ELL2: variants seen among roughly 807,000 people sequenced by gnomAD.
ELL2 encodes the protein RNA polymerase II elongation factor ELL2.
ELL2 carries 21 observed loss-of-function variants against 72.8 expected under a neutral mutation model. The observed-to-expected ratio is 0.29, with a 90% CI of 0.20 to 0.42. ELL2 has a LOEUF of 0.42. Ranked by LOEUF, ELL2 falls within the 10% of genes least tolerant of loss-of-function variation. The probability of loss-of-function intolerance (pLI) is 1.00; values close to 1 mark genes in which losing one functional copy is unlikely to be tolerated. For synonymous variants in ELL2, 266 were observed against 283.2 expected (o/e 0.94, Z 0.61); for missense variants, 568 against 772.8 (o/e 0.73, Z 3.14).
At chr5:95,895,605 C>A (rs575106854) in intron 9 of ELL2, 23 bp downstream of exon 9, 1 of 1,606,588 alleles carries the variant, frequency 6.2e-7, no homozygotes, top group South Asian at 1.1e-5. Context: ...CCGCTCTCTC[C>A]ATTGGCAGAC....
chr5:95,943,456 C>G (rs1296473886), intron 1 of ELL2, among the ~76,000 whole-genome samples: 3 of 152,018 alleles, frequency 2.0e-5, no homozygotes, highest in Non-Finnish European at 4.4e-5. Flanking sequence ...TGCAGCTAAT[C>G]ATGTTTTTGA....
chr5:95,908,125 A>G (rs1049014078), intron 4 of ELL2, among the ~76,000 whole-genome samples: 3 of 152,258 alleles, frequency 2.0e-5, no homozygotes, highest in Non-Finnish European at 2.9e-5. Context: ...CTGCCTAATG[A>G]TAACAAAAAC....
intron 9 of ELL2, among the ~76,000 whole-genome samples, chr5:95,894,032 C>G (rs1748767869): frequency 6.6e-6 from 1 of 152,054 alleles, no homozygotes; most frequent in African/African-American, 2.4e-5. Context: ...GGGTGGATCA[C>G]CTGAGGTCAG....
intron 5 of ELL2, 28 bp downstream of exon 5, chr5:95,906,495 G>A (rs1749364064): frequency 6.4e-7 from 1 of 1,562,632 alleles, no homozygotes. Flanking sequence ...AAGGTAAGCA[G>A]GAAGGACCTC....
Position 95,943,116 on chromosome 5 carries a change from A to C in ELL2, c.148-67T>G, listed in dbSNP as rs1751030775. On this transcript the variant is annotated intron_variant, in intron 1 of 11. Transcript: ENST00000237853. ...TACTGTGACATAGAACTAAATGTTT[A>C]AACTTTAAATCTATGTTATTTGGGC... 5.0e-6 allele frequency: 7 copies of C among 1,396,314 alleles called. No individual in the cohort carries two copies. In the Admixed American group the frequency reaches 1.4e-4, roughly 28 times the overall value. The allele number at this position is 1,396,314 out of a possible 1,614,324, so 86.5% of individuals were successfully genotyped here. A position where few individuals can be genotyped will look rare whatever the true frequency, so the allele number is the denominator to read the frequency against.
chr5:95,961,448 G>T, intron 1 of ELL2, 127 bp downstream of exon 1: 1 of 1,208,420 alleles, frequency 8.3e-7, no homozygotes, highest in Non-Finnish European at 1.1e-6. Context: ...TGCCCTGCCT[G>T]GCCGCTGCGG....
intron 1 of ELL2, among the ~76,000 whole-genome samples, chr5:95,960,882 C>T (rs1751814157): frequency 6.6e-6 from 1 of 151,760 alleles, no homozygotes; most frequent in African/African-American, 2.4e-5. Context: ...CCTCCCCCCC[C>T]GTACGCGAAG....
At chr5:95,920,347 G>A (rs1750008529) in intron 2 of ELL2, among the ~76,000 whole-genome samples, 1 of 150,256 alleles carries the variant, frequency 6.7e-6, no homozygotes, top group African/African-American at 2.5e-5. Context: ...GTCTCGCTCT[G>A]TTGCCCAGGC....
chr5:95,888,933 G>A lies in ELL2; in HGVS notation c.1861C>T (p.Leu621=), dbSNP rs748263765. The stretch of plus-strand genomic sequence containing the variant: ...CCTATTAGCCTTTTGATGTGAGCCA[G>A]CTTGTTATGAAGATATTCACATCTG... ...KYRCEYLHNK[L]AHIKRLIGEF... Residue 621 remains leucine, a synonymous_variant, in exon 12 of 12, where the codon CTG becomes TTG. Transcript: ENST00000237853. 5 of 1,609,876 alleles carry A rather than the reference G, an allele frequency of 3.1e-6. No homozygotes were observed. The South Asian group carries it at 5.5e-5, about 18-fold the overall frequency.
At chr5:95,948,893 G>C (rs934332665) in intron 1 of ELL2, among the ~76,000 whole-genome samples, 2 of 152,216 alleles carry the variant, frequency 1.3e-5, no homozygotes, top group African/African-American at 4.8e-5. Context: ...AAAAGTGATG[G>C]TTTGCAGTCA....
chr5:95,936,638 C>T (rs1290654039), intron 2 of ELL2, among the ~76,000 whole-genome samples: 1 of 152,042 alleles, frequency 6.6e-6, no homozygotes, highest in Non-Finnish European at 1.5e-5. Flanking sequence ...AAAAAATTAG[C>T]AGAGTGTGGT....
chr5:95,896,852 T>C (rs1429232227), intron 8 of ELL2, among the ~76,000 whole-genome samples: 1 of 152,194 alleles, frequency 6.6e-6, no homozygotes, highest in Non-Finnish European at 1.5e-5. Flanking sequence ...CTGATGTAGA[T>C]CTCAACATAC....
At chr5:95,947,563 C>A (rs1751208646) in intron 1 of ELL2, among the ~76,000 whole-genome samples, 1 of 152,166 alleles carries the variant, frequency 6.6e-6, no homozygotes. Flanking sequence ...ATCATTATCC[C>A]CCATTTCAGA....
intron 2 of ELL2, among the ~76,000 whole-genome samples, chr5:95,928,855 T>G (rs980701103): frequency 2.6e-5 from 4 of 152,194 alleles, no homozygotes; most frequent in Non-Finnish European, 1.5e-5. Flanking sequence ...TTCCTACTAC[T>G]TATGAGTAGT....
At chr5:95,956,289 AATAAACTTTCC>A (rs1751625672) in intron 1 of ELL2, among the ~76,000 whole-genome samples, 2 of 152,332 alleles carry the variant, frequency 1.3e-5, no homozygotes, top group South Asian at 4.1e-4. Flanking sequence ...TGGGCATCTG[AATAAACTTTCC>A]AAACACTGAA....
chr5:95,896,961 G>A (rs889909721), intron 8 of ELL2, among the ~76,000 whole-genome samples: 4 of 152,172 alleles, frequency 2.6e-5, no homozygotes, highest in African/African-American at 9.7e-5. Flanking sequence ...TATGAACTCT[G>A]AACATAGAGT....
At chr5:95,905,255 G>A (rs201825870) in intron 5 of ELL2, among the ~76,000 whole-genome samples, 1 of 140,120 alleles carries the variant, frequency 7.1e-6, no homozygotes, top group Non-Finnish European at 1.6e-5. Flanking sequence ...ACACACACAC[G>A]TATATATATA....
At chr5:95,892,149 CT>C (rs58579572) in intron 9 of ELL2, among the ~76,000 whole-genome samples, 583 of 143,948 alleles carry the variant, frequency 4.1e-3, no homozygotes, top group African/African-American at 6.8e-3. Flanking sequence ...TACAGTATTA[CT>C]TTTTTTTTTT....
intron 9 of ELL2, among the ~76,000 whole-genome samples, chr5:95,893,219 C>G (rs1748732058): frequency 6.6e-6 from 1 of 151,998 alleles, no homozygotes; most frequent in Admixed American, 6.5e-5. Context: ...AAAAGTTGTC[C>G]TACTTTTACG....
Sources: allele counts gnomAD v4.1 joint callset (sites outside exome capture counted in the v4.1 genomes callset), GRCh38; gene constraint gnomAD v4.1.1; transcripts MANE v1.5; gene names NCBI Gene and HGNC (gene_info 2026-07-23, HGNC 2026-07-21).